The following MMP17 variants were observed in gnomAD, a reference collection of about 807,000 sequenced individuals.
MMP17 encodes the protein matrix metalloproteinase-17.
Under a neutral mutation model 49.1 loss-of-function variants are expected in MMP17, and 54 were observed. The observed-to-expected ratio is 1.10, with a 90% CI of 0.88 to 1.38. The LOEUF (loss-of-function observed/expected upper bound fraction) is 1.38, where lower values mean the gene tolerates loss of function less well. Ranked by LOEUF, MMP17 falls within the 40% of genes most tolerant of loss-of-function variation. MMP17 has a pLI of 0.00. For synonymous variants in MMP17, 397 were observed against 383.1 expected, an observed-to-expected ratio of 1.04 and a Z score of -0.42; for missense variants, 837 against 853.7, an observed-to-expected ratio of 0.98 and a Z score of 0.24.
At position 131,845,069 on chromosome 12, in the gene MMP17, C is replaced by A. The variant is rs374881207; in HGVS notation, c.969-49C>A. ...GGCTCTGCCGCAGGATGCCCTGTCC[C>A]GCGCTGCCCAGGCCCCGCCTCCCAG... On this transcript the variant is annotated intron_variant, in intron 6 of 9. Coordinates refer to ENST00000360564, the MANE Select transcript of MMP17 (RefSeq NM_016155.7). The A allele has an allele frequency of 2.7e-6, 4 of 1,488,536 alleles. No individual in the cohort carries two copies. The South Asian group carries it at 4.8e-5, about 18-fold the overall frequency. 92.2% of individuals were successfully genotyped at this position (1,488,536 alleles called of 1,614,324 possible). A position where few individuals can be genotyped will look rare whatever the true frequency, so the allele number is the denominator to read the frequency against.
At chr12:131,840,895 C>T in intron 4 of MMP17, 39 bp downstream of exon 4, 1 of 1,531,216 alleles carries the variant, frequency 6.5e-7, no homozygotes, top group African/African-American at 1.4e-5. Flanking sequence ...GTCAGGAGCC[C>T]CAGCGGCCTG....
chr12:131,836,185 G>C (rs887576238), intron 1 of MMP17, among the ~76,000 whole-genome samples: 3 of 152,286 alleles, frequency 2.0e-5, no homozygotes, highest in South Asian at 2.1e-4. Context: ...GTTTGGAAAG[G>C]GGGTAAAGGC....
Position 131,850,031 on chromosome 12 carries a change from G to C in MMP17, c.1434G>C (p.Thr478=). ...CCCTGTGGAGGGGTGTCCCCAGCAC[G>C]CTGGACGACGCCATGCGCTGGTCCG... ...QSPLWRGVPS[T]LDDAMRWSDG... Residue 478 remains threonine (T), a synonymous_variant, in exon 9 of 10, where the codon ACG becomes ACC. Transcript: ENST00000360564. The C allele has an allele frequency of 6.2e-7, 1 of 1,612,758 alleles. No homozygotes were observed. Among genetic ancestry groups the C allele is most frequent in the Non-Finnish European group, 8.5e-7 (1 of 1,179,698 alleles).
chr12:131,830,910 C>T (rs1305388101), intron 1 of MMP17, among the ~76,000 whole-genome samples: 1 of 152,222 alleles, frequency 6.6e-6, no homozygotes, highest in East Asian at 1.9e-4. Context: ...CCTTGTGGGC[C>T]TGAGTTTTTT....
In MMP17 at chr12:131,828,419, G is replaced by A. The variant is rs1050766227; in HGVS notation, c.-76G>A. 6.1e-4 allele frequency: 519 copies of A among 854,612 alleles called. No individual in the cohort carries two copies. The highest frequency in any genetic ancestry group is 6.8e-4 in the Non-Finnish European group (486 of 710,622). 52.9% of individuals were successfully genotyped at this position (854,612 alleles called of 1,614,324 possible). A position where few individuals can be genotyped will look rare whatever the true frequency, so the allele number is the denominator to read the frequency against. On this transcript the variant is annotated 5_prime_UTR_variant, in exon 1 of 10. Coordinates refer to ENST00000360564, the MANE Select transcript of MMP17 (RefSeq NM_016155.7). Reference sequence around the variant, plus strand: ...GTCCGGCGGGGGCGCCGCGGAGAGCGGAGGGCGCCGGGCTGCGGAACGCGA... The same window carrying A: ...GTCCGGCGGGGGCGCCGCGGAGAGCAGAGGGCGCCGGGCTGCGGAACGCGA...
rs149823647 is a variant in MMP17 at position 131,844,022 on chromosome 12, G to A, written c.909G>A (p.Thr303=). ...LYGVRESVSP[T]AQPEEPPLLP... ...GTGTGCGGGAGTCTGTGTCTCCCAC[G>A]GCGCAGCCCGAGGAGCCTCCCCTGC... Residue 303 remains threonine, a synonymous_variant, in exon 6 of 10, where the codon ACG becomes ACA. Coordinates refer to ENST00000360564, the MANE Select transcript of MMP17 (RefSeq NM_016155.7). 619 of 1,567,974 alleles carry A rather than the reference G, an allele frequency of 3.9e-4. No homozygotes were observed. Among genetic ancestry groups the A allele is most frequent in the Non-Finnish European group, 4.9e-4 (569 of 1,158,616 alleles).
chr12:131,844,248 C>T, intron 6 of MMP17, 167 bp downstream of exon 6: 1 of 622,612 alleles, frequency 1.6e-6, no homozygotes, highest in Non-Finnish European at 2.8e-6. Flanking sequence ...CCATCTAATA[C>T]CGGCCCTCCC....
At chr12:131,829,513 G>A (rs1043999938) in intron 1 of MMP17, among the ~76,000 whole-genome samples, 1 of 152,146 alleles carries the variant, frequency 6.6e-6, no homozygotes, top group Admixed American at 6.5e-5. Context: ...TCCTTCTGAG[G>A]CTCCTGCCCC....
chr12:131,835,398 G>C, intron 1 of MMP17, among the ~76,000 whole-genome samples: 1 of 152,190 alleles, frequency 6.6e-6, no homozygotes, highest in South Asian at 2.1e-4. Context: ...TCCAAACATT[G>C]GGCAACATTC....
chr12:131,845,330 A>G lies in MMP17; in HGVS notation c.1085A>G (p.His362Arg), dbSNP rs1424045854. ...KYFWRLTRDR[H>R]LVSLQPAQMH... ...TTCTGGCGGCTGACGCGGGACCGGC[A>G]CCTGGTGTCCCTGCAGCCGGCACAG... is the stretch of plus-strand genomic sequence containing the variant. The change falls in exon 8 of 10, where the codon CAC becomes CGC. Residue 362 changes from histidine to arginine, a missense_variant. Physicochemically the swap from His to Arg is conservative, Grantham distance 29. Transcript: ENST00000360564. The G allele has an allele frequency of 6.2e-7, 1 of 1,605,094 alleles. No homozygotes were observed. Among genetic ancestry groups the G allele is most frequent in the Non-Finnish European group, 8.5e-7 (1 of 1,175,292 alleles).
intron 6 of MMP17, chr12:131,844,688 C>T (rs569550309): frequency 2.1e-5 from 5 of 237,042 alleles, no homozygotes; most frequent in Middle Eastern, 1.6e-3. Flanking sequence ...TGTGTCGAGT[C>T]GTCTCTCGGT....
chr12:131,847,493 A>G (rs891444031), intron 8 of MMP17, among the ~76,000 whole-genome samples: 3 of 152,004 alleles, frequency 2.0e-5, no homozygotes, highest in Non-Finnish European at 2.9e-5. Context: ...CCTCATGACC[A>G]ATTGCTCCTA....
In MMP17 at chr12:131,844,185, C is replaced by T; in HGVS notation, c.968+104C>T. The T allele has an allele frequency of 4.1e-6, 4 of 967,722 alleles. No homozygotes were observed. The East Asian group carries it at 8.0e-5, about 19-fold the overall frequency. The allele number at this position is 967,722 out of a possible 1,614,324, so 59.9% of individuals were successfully genotyped here. ...TCGTGGCTCAGAGTCCTGGGAAACG[C>T]ACAGCTGTGTGGCCGACTGAGCCCC... On this transcript the variant is annotated intron_variant, in intron 6 of 9. Transcript: ENST00000360564.
chr12:131,833,271 C>G (rs1319836864), intron 1 of MMP17, among the ~76,000 whole-genome samples: 1 of 152,246 alleles, frequency 6.6e-6, no homozygotes, highest in Non-Finnish European at 1.5e-5. Context: ...TGCTGGATAA[C>G]TGTTGGCTGT....
At chr12:131,849,165 A>G (rs1887849280) in intron 8 of MMP17, among the ~76,000 whole-genome samples, 1 of 152,158 alleles carries the variant, frequency 6.6e-6, no homozygotes, top group African/African-American at 2.4e-5. Context: ...CAAGTGCTCA[A>G]TGCCATCTAT....
chr12:131,830,732 G>A (rs751880253), intron 1 of MMP17, among the ~76,000 whole-genome samples: 2 of 152,200 alleles, frequency 1.3e-5, no homozygotes, highest in Non-Finnish European at 2.9e-5. Context: ...CACCCAGCAG[G>A]GCTGGAGCCG....
intron 1 of MMP17, among the ~76,000 whole-genome samples, chr12:131,833,288 C>T (rs779169596): frequency 1.3e-5 from 2 of 152,314 alleles, no homozygotes; most frequent in African/African-American, 2.4e-5. Flanking sequence ...CTGTTAGGAT[C>T]GAATAGAGCA....
chr12:131,840,581 C>A lies in MMP17; in HGVS notation c.431C>A (p.Thr144Lys). The change falls in exon 4 of 10, where the codon ACG (threonine) becomes AAG (lysine). Residue 144 changes from threonine to lysine, a missense_variant. Thr to Lys is a moderately conservative substitution (Grantham distance 78). Transcript: ENST00000360564. ...CTGACCCCTGCCTGCAGGGTCCGGA[C>A]GTTCCCACGGGACTCACCACTGGGG... ...NKRNLSWRVR[T>K]FPRDSPLGHD... is the part of the protein sequence containing the mutation. 1 of 1,588,812 alleles carries A rather than the reference C, an allele frequency of 6.3e-7. No individual in the cohort carries two copies. The highest frequency in any genetic ancestry group is 8.6e-7 in the Non-Finnish European group (1 of 1,166,570).
chr12:131,850,339 C>T (rs1887911585), intron 9 of MMP17, among the ~76,000 whole-genome samples: 1 of 152,318 alleles, frequency 6.6e-6, no homozygotes, highest in Middle Eastern at 3.4e-3. Context: ...GGCCTTGGCA[C>T]TGGCCATGCC....
Sources: gnomAD v4.1 joint callset for allele counts (sites outside exome capture counted in the v4.1 genomes callset) on GRCh38, gnomAD v4.1.1 for gene constraint, MANE v1.5 for transcripts, NCBI Gene and HGNC (gene_info 2026-07-23, HGNC 2026-07-21) for gene names.